The following FRMD4A variants were observed in gnomAD, a reference collection of about 807,000 sequenced individuals.
The protein encoded by FRMD4A is FERM domain containing 4A.
In FRMD4A, 29 loss-of-function variants were observed where a neutral mutation model predicts 129.1. The ratio of observed to expected loss-of-function variants is 0.22; its 90% CI spans 0.17 to 0.31. FRMD4A has a LOEUF of 0.31. Among genes scored for constraint, FRMD4A ranks in the 10% least tolerant of loss-of-function variants. The probability of loss-of-function intolerance (pLI) is 1.00; values close to 1 mark genes in which losing one functional copy is unlikely to be tolerated. For missense variants in FRMD4A, 1,272 were observed against 1,375.8 expected, an observed-to-expected ratio of 0.92 and a Z score of 1.19; for synonymous variants, 634 against 571.6, an observed-to-expected ratio of 1.11 and a Z score of -1.56.
At position 13,656,731 on chromosome 10, in the gene FRMD4A, G is replaced by A; in HGVS notation, c.2858C>T (p.Ser953Leu). 2 of 1,594,248 alleles carry A rather than the reference G, an allele frequency of 1.3e-6. No homozygotes were observed. Among genetic ancestry groups the A allele is most frequent in the South Asian group, 2.3e-5 (2 of 88,388 alleles). Residue 953 changes from serine to leucine, a missense_variant, in exon 22 of 25, where the codon TCG (serine) becomes TTG (leucine). By Grantham distance (145) the Ser-to-Leu change is moderately radical. Around this residue, in one of 2 missense-constraint regions of FRMD4A, gnomAD observed 972 missense variants for 892.3 expected, o/e 1.09. Transcript: ENST00000357447. ...GGTGCTGTACTGCGAGCCGCTGTCC[G>A]AGGAGGTGGAGCTGGTGTGCGACAG... ...SRLSHTSSTSSDSGSQYSTSS... is the reference protein window; with the variant it reads ...SRLSHTSSTSLDSGSQYSTSS...
chr10:14,259,055 G>A (rs746953609), intron 2 of FRMD4A, among the ~76,000 whole-genome samples: 1 of 151,986 alleles, frequency 6.6e-6, no homozygotes, highest in Non-Finnish European at 1.5e-5. Flanking sequence ...TTGGAACAAG[G>A]GATATGTTCA....
At chr10:13,749,468 C>T (rs2091459600) in intron 8 of FRMD4A, among the ~76,000 whole-genome samples, 1 of 152,176 alleles carries the variant, frequency 6.6e-6, no homozygotes, top group Non-Finnish European at 1.5e-5. Flanking sequence ...ATGGTGGACA[C>T]TCCAGCACCT....
chr10:13,713,820 A>C, intron 12 of FRMD4A, among the ~76,000 whole-genome samples: 1 of 59,150 alleles, frequency 1.7e-5, no homozygotes. Context: ...CATATATATA[A>C]TATATATACA....
At chr10:13,659,183 G>T in intron 21 of FRMD4A, 140 bp downstream of exon 21, 1 of 779,858 alleles carries the variant, frequency 1.3e-6, no homozygotes, top group Non-Finnish European at 2.2e-6. Flanking sequence ...CTGCCAGCTT[G>T]GTTTTTTATT....
intron 2 of FRMD4A, among the ~76,000 whole-genome samples, chr10:13,942,158 T>C (rs2095297339): frequency 6.6e-6 from 1 of 152,202 alleles, no homozygotes; most frequent in African/African-American, 2.4e-5. Context: ...GTCTGAAAAC[T>C]GCTCTGCCAC....
chr10:14,029,321 C>G (rs941155226), intron 2 of FRMD4A, among the ~76,000 whole-genome samples: 1 of 151,934 alleles, frequency 6.6e-6, no homozygotes, highest in Non-Finnish European at 1.5e-5. Context: ...TAGTCCTTCT[C>G]CCTAGGGAAA....
At chr10:14,281,529 G>C (rs1845520873) in intron 2 of FRMD4A, among the ~76,000 whole-genome samples, 1 of 152,210 alleles carries the variant, frequency 6.6e-6, no homozygotes, top group Non-Finnish European at 1.5e-5. Flanking sequence ...GCCAGTCTGT[G>C]GTACTTTATT....
At chr10:13,713,278 G>C (rs2088227347) in intron 12 of FRMD4A, among the ~76,000 whole-genome samples, 1 of 152,146 alleles carries the variant, frequency 6.6e-6, no homozygotes, top group Non-Finnish European at 1.5e-5. Context: ...ATTGGCAGAG[G>C]TTAAATAAGT....
chr10:14,199,161 G>A (rs1842557287), intron 2 of FRMD4A, among the ~76,000 whole-genome samples: 1 of 151,782 alleles, frequency 6.6e-6, no homozygotes, highest in Non-Finnish European at 1.5e-5. Context: ...AAATTTTTAT[G>A]TTGTTTCCAT....
chr10:14,133,686 T>C (rs1421636548), intron 2 of FRMD4A, among the ~76,000 whole-genome samples: 1 of 152,218 alleles, frequency 6.6e-6, no homozygotes, highest in Non-Finnish European at 1.5e-5. Context: ...CCATGTGCTA[T>C]ATCCTGTGTG....
intron 2 of FRMD4A, among the ~76,000 whole-genome samples, chr10:14,124,190 C>G (rs979853123): frequency 6.6e-6 from 1 of 152,134 alleles, no homozygotes; most frequent in African/African-American, 2.4e-5. Flanking sequence ...AGATCAGAGT[C>G]AGGAGACACA....
chr10:13,721,257 G>T (rs944762185), intron 12 of FRMD4A, among the ~76,000 whole-genome samples: 1 of 152,108 alleles, frequency 6.6e-6, no homozygotes, highest in Non-Finnish European at 1.5e-5. Context: ...TGAGGTGGGC[G>T]GATCACCTGA....
At chr10:13,785,065 T>C (rs1220284561) in intron 5 of FRMD4A, among the ~76,000 whole-genome samples, 1 of 151,150 alleles carries the variant, frequency 6.6e-6, no homozygotes, top group Non-Finnish European at 1.5e-5. Context: ...AACATGAAGA[T>C]AAAAACCCAC....
intron 2 of FRMD4A, among the ~76,000 whole-genome samples, chr10:14,085,280 T>C (rs1836199105): frequency 6.6e-6 from 1 of 152,196 alleles, no homozygotes; most frequent in Admixed American, 6.5e-5. Context: ...CTTGCGCAGG[T>C]TATTCCCTTA....
intron 2 of FRMD4A, among the ~76,000 whole-genome samples, chr10:13,965,900 G>A (rs1468514118): frequency 2.0e-5 from 3 of 152,216 alleles, no homozygotes; most frequent in Non-Finnish European, 4.4e-5. Flanking sequence ...AGGGATGTTG[G>A]CAGGTTAATT....
At chr10:14,036,461 AC>A (rs1273275651) in intron 2 of FRMD4A, among the ~76,000 whole-genome samples, 1 of 152,150 alleles carries the variant, frequency 6.6e-6, no homozygotes, top group Non-Finnish European at 1.5e-5. Context: ...CAGAAAAGGG[AC>A]AAAGCCAGGC....
At chr10:13,819,857 G>A (rs1285499528) in intron 3 of FRMD4A, among the ~76,000 whole-genome samples, 3 of 152,104 alleles carry the variant, frequency 2.0e-5, no homozygotes, top group Non-Finnish European at 4.4e-5. Flanking sequence ...AAGTAGCTGG[G>A]ATTATAGGCA....
chr10:13,826,525 C>T (rs2130923134), intron 3 of FRMD4A, among the ~76,000 whole-genome samples: 1 of 152,160 alleles, frequency 6.6e-6, no homozygotes, highest in East Asian at 1.9e-4. Context: ...AAAAGAAGTC[C>T]CTCTCCGGCC....
intron 3 of FRMD4A, among the ~76,000 whole-genome samples, chr10:13,818,341 A>G (rs571995470): frequency 1.3e-5 from 2 of 151,322 alleles, no homozygotes; most frequent in African/African-American, 2.4e-5. Context: ...TTAAAAAAAA[A>G]TTTTTTTTTG....
Sources: allele counts gnomAD v4.1 joint callset (sites outside exome capture counted in the v4.1 genomes callset), GRCh38; gene constraint gnomAD v4.1.1; regional missense constraint gnomAD v4.1.1; transcripts MANE v1.5; gene names NCBI Gene and HGNC (gene_info 2026-07-23, HGNC 2026-07-21).